MARK1: variants seen among roughly 807,000 people sequenced by gnomAD.
MARK1 encodes the protein microtubule affinity regulating kinase 1.
Under a neutral mutation model 96.3 loss-of-function variants are expected in MARK1, and 40 were observed. The observed-to-expected ratio is 0.42, with a 90% confidence interval of 0.32 to 0.54. MARK1 has a LOEUF of 0.54. MARK1 is among the 20% of genes least tolerant of loss of function. MARK1 has a pLI of 0.16. For missense variants in MARK1, 719 were observed against 984.6 expected, an observed-to-expected ratio of 0.73 and a Z score of 3.61; for synonymous variants, 317 against 341.2, an observed-to-expected ratio of 0.93 and a Z score of 0.78.
rs1041253784 is a variant in MARK1, at chr1:220,653,013, G to A, written c.1737-88G>A. On this transcript the variant is annotated intron_variant, in intron 15 of 17. Transcript: ENST00000366917. Reference sequence around the variant, plus strand: ...AAATAAAGTAGGGCCAAAAGAAGTAGCCATAGCTATTTGTTTCAAGTTTTT... The same window carrying A: ...AAATAAAGTAGGGCCAAAAGAAGTAACCATAGCTATTTGTTTCAAGTTTTT... 2.1e-6 allele frequency: 3 copies of A among 1,450,584 alleles called. No individual in the cohort carries two copies. In the African/African-American group the frequency reaches 4.2e-5, roughly 20 times the overall value. The allele number at this position is 1,450,584 out of a possible 1,614,324, so 89.9% of individuals were successfully genotyped here. A position where few individuals can be genotyped will look rare whatever the true frequency, so the allele number is the denominator to read the frequency against.
At chr1:220,642,516 C>T (rs1668337772) in intron 13 of MARK1, among the ~76,000 whole-genome samples, 1 of 152,176 alleles carries the variant, frequency 6.6e-6, no homozygotes, top group Non-Finnish European at 1.5e-5. Context: ...GGGGGAGGGG[C>T]AGCTGTGGTC....
chr1:220,618,778 A>G lies in MARK1; in HGVS notation c.909+23A>G, dbSNP rs749327559. 3.2e-5 allele frequency: 50 copies of G among 1,544,424 alleles called. No homozygotes were observed. Among genetic ancestry groups the G allele is most frequent in the Non-Finnish European group, 4.2e-5 (48 of 1,147,976 alleles). On this transcript the variant is annotated intron_variant, in intron 9 of 17. Transcript: ENST00000366917. The surrounding 1 kb of genome is among the most constrained non-coding windows in gnomAD (Gnocchi z 4.6). Reference sequence around the variant, plus strand: ...GAAGTAAGTAAATTTTTGTACTCCAAATTTAAATTTTAACAATTAAAATAT... The same window carrying G: ...GAAGTAAGTAAATTTTTGTACTCCAGATTTAAATTTTAACAATTAAAATAT...
intron 1 of MARK1, among the ~76,000 whole-genome samples, chr1:220,571,122 T>C (rs1663422178): frequency 6.6e-6 from 1 of 152,182 alleles, no homozygotes; most frequent in Non-Finnish European, 1.5e-5. Flanking sequence ...ACTTTTAGTT[T>C]TGTTGATTTT....
chr1:220,608,359 T>C (rs1173138610), intron 6 of MARK1, among the ~76,000 whole-genome samples: 1 of 152,208 alleles, frequency 6.6e-6, no homozygotes, highest in Non-Finnish European at 1.5e-5. Flanking sequence ...TTTATAGTAT[T>C]CTCTGATGGT....
At chr1:220,571,346 T>C (rs1663438831) in intron 1 of MARK1, among the ~76,000 whole-genome samples, 1 of 152,214 alleles carries the variant, frequency 6.6e-6, no homozygotes, top group Non-Finnish European at 1.5e-5. Context: ...TGTAAGGTTG[T>C]AAGTATTATG....
chr1:220,608,064 C>G (rs902205099), intron 6 of MARK1, among the ~76,000 whole-genome samples: 81 of 152,122 alleles, frequency 5.3e-4, no homozygotes, highest in Non-Finnish European at 2.1e-4. Context: ...TGATGTTGGC[C>G]TCATAAAATG....
At chr1:220,621,691 T>C (rs1452394493) in intron 9 of MARK1, among the ~76,000 whole-genome samples, 1 of 152,078 alleles carries the variant, frequency 6.6e-6, no homozygotes, top group Non-Finnish European at 1.5e-5. Context: ...TTAAAAAAAA[T>C]GGAACATCAT....
At position 220,608,490 on chromosome 1, in the gene MARK1, C is replaced by G. The variant is rs541018220; in HGVS notation, c.495+4353C>G. Among the ~76,000 whole-genome samples, 3 of 152,120 alleles carry G rather than the reference C, an allele frequency of 2.0e-5. No homozygotes were observed. The South Asian group carries it at 6.2e-4, about 32-fold the overall frequency. ...CTACTGGTCTATCAATTTTGTTGATCTTTTCAAAAAACCAGCTCCTGGATT... is the reference window on the plus strand; with the variant it reads ...CTACTGGTCTATCAATTTTGTTGATGTTTTCAAAAAACCAGCTCCTGGATT... On this transcript the variant is annotated intron_variant, in intron 6 of 17. Coordinates refer to ENST00000366917, the MANE Select transcript of MARK1 (RefSeq NM_018650.5).
intron 1 of MARK1, among the ~76,000 whole-genome samples, chr1:220,571,424 G>A (rs541304112): frequency 3.3e-5 from 5 of 152,286 alleles, no homozygotes; most frequent in African/African-American, 7.2e-5. Flanking sequence ...TGCTTCATAA[G>A]CATTCTTTTC....
chr1:220,537,133 A>G (rs573347162), intron 1 of MARK1, among the ~76,000 whole-genome samples: 106 of 151,216 alleles, frequency 7.0e-4, no homozygotes, highest in Admixed American at 6.6e-3. Context: ...ACATGTGCAC[A>G]ATGTGCAGGT....
chr1:220,534,925 C>T (rs946771798), intron 1 of MARK1, among the ~76,000 whole-genome samples: 3 of 152,074 alleles, frequency 2.0e-5, no homozygotes, highest in Middle Eastern at 6.8e-3. Context: ...TGTTTATCTG[C>T]GGGTGGACAT....
At chr1:220,545,687 A>G (rs1572054916) in intron 1 of MARK1, among the ~76,000 whole-genome samples, 1 of 151,918 alleles carries the variant, frequency 6.6e-6, no homozygotes, top group East Asian at 1.9e-4. Context: ...GAGCCACCCT[A>G]TCTCTGTCTC....
chr1:220,653,450 T>G, intron 16 of MARK1, 98 bp downstream of exon 16: 2 of 1,227,160 alleles, frequency 1.6e-6, no homozygotes, highest in Non-Finnish European at 2.2e-6. Context: ...CTAAAATGGT[T>G]TCATAACATT....
At chr1:220,657,300 G>A (rs1669229256) in intron 16 of MARK1, among the ~76,000 whole-genome samples, 1 of 152,112 alleles carries the variant, frequency 6.6e-6, no homozygotes, top group South Asian at 2.1e-4. Context: ...TTTATCATGT[G>A]CATGAATTGT....
intron 5 of MARK1, among the ~76,000 whole-genome samples, chr1:220,602,511 A>G (rs1457286776): frequency 1.3e-5 from 2 of 152,196 alleles, no homozygotes; most frequent in Non-Finnish European, 2.9e-5. Flanking sequence ...ACCTGGGGTA[A>G]GTGTATTCTA....
intron 5 of MARK1, 65 bp downstream of exon 5, chr1:220,599,928 G>A: frequency 1.0e-6 from 1 of 997,672 alleles, no homozygotes; most frequent in Non-Finnish European, 1.5e-6. Flanking sequence ...ACACCTAAGA[G>A]TTCATTATGA....
chr1:220,580,987 A>G (rs1664201343), intron 2 of MARK1, 78 bp from the exon 3 acceptor site: 2 of 537,054 alleles, frequency 3.7e-6, no homozygotes, highest in African/African-American at 1.9e-5. Flanking sequence ...GGAATGAAAC[A>G]GAAATTGGAT....
intron 3 of MARK1, among the ~76,000 whole-genome samples, chr1:220,586,632 G>T (rs1005275951): frequency 9.9e-5 from 15 of 152,140 alleles, no homozygotes; most frequent in African/African-American, 3.4e-4. Flanking sequence ...TAATTGCTTG[G>T]TTTTTAATAG....
chr1:220,602,251 A>G (rs1428486556), intron 5 of MARK1, among the ~76,000 whole-genome samples: 1 of 152,196 alleles, frequency 6.6e-6, no homozygotes, highest in African/African-American at 2.4e-5. Context: ...ATTTTGAACC[A>G]TGTTTAATCC....
Sources: allele counts gnomAD v4.1 joint callset (sites outside exome capture counted in the v4.1 genomes callset), GRCh38; gene constraint gnomAD v4.1.1; non-coding constraint Gnocchi (gnomAD v3.1); transcripts MANE v1.5; gene names NCBI Gene and HGNC (gene_info 2026-07-23, HGNC 2026-07-21).